Variants in GRIK3 observed in about 807,000 individuals in gnomAD.
GRIK3 encodes glutamate ionotropic receptor kainate type subunit 3, also known as glutamate receptor ionotropic, kainate 3.
A neutral mutation model predicts 102.5 loss-of-function variants in GRIK3; 29 were observed. The observed-to-expected ratio is 0.28, with a 90% CI of 0.21 to 0.39. The LOEUF (loss-of-function observed/expected upper bound fraction) is 0.39. GRIK3 is among the 10% of genes least tolerant of loss of function. The pLI is 1.00. For missense variants in GRIK3, 908 were observed against 1,252.4 expected, an observed-to-expected ratio of 0.73 and a Z score of 4.15; for synonymous variants, 511 against 504.9, an observed-to-expected ratio of 1.01 and a Z score of -0.16.
chr1:37,021,655 T>C (rs1642716012), intron 1 of GRIK3, among the ~76,000 whole-genome samples: 1 of 152,200 alleles, frequency 6.6e-6, no homozygotes, highest in South Asian at 2.1e-4. Flanking sequence ...AAAATGGTCA[T>C]GTAGGCAACA....
chr1:36,864,043 T>C (rs1570767688), intron 5 of GRIK3, among the ~76,000 whole-genome samples: 1 of 152,288 alleles, frequency 6.6e-6, no homozygotes, highest in African/African-American at 2.4e-5. Context: ...ACCCTCCCCA[T>C]GATATAAGTG....
chr1:36,950,413 T>C (rs571499889), intron 1 of GRIK3, among the ~76,000 whole-genome samples: 1 of 152,374 alleles, frequency 6.6e-6, no homozygotes, highest in East Asian at 1.9e-4. Context: ...TATAAAATAA[T>C]ATTTTTCCAA....
chr1:36,815,479 G>C (rs969816370), intron 13 of GRIK3, among the ~76,000 whole-genome samples: 1 of 152,224 alleles, frequency 6.6e-6, no homozygotes, highest in Non-Finnish European at 1.5e-5. Context: ...TGGGGAATTA[G>C]AGCCCAGAGG....
chr1:36,815,168 C>T (rs1337474439), intron 13 of GRIK3, among the ~76,000 whole-genome samples: 1 of 152,256 alleles, frequency 6.6e-6, no homozygotes, highest in Non-Finnish European at 1.5e-5. Context: ...GTCTTCCCCT[C>T]ACTCTAAATA....
intron 1 of GRIK3, among the ~76,000 whole-genome samples, chr1:36,975,586 C>T (rs1349573315): frequency 1.3e-5 from 2 of 152,192 alleles, no homozygotes; most frequent in Non-Finnish European, 2.9e-5. Flanking sequence ...AGCCACTGCG[C>T]CCAGCCTAAA....
chr1:36,850,083 G>T lies in GRIK3; in HGVS notation c.1326+228C>A, dbSNP rs1223154654. 9.4e-6 allele frequency: 5 copies of T among 530,712 alleles called. No homozygotes were observed. The highest frequency in any genetic ancestry group is 1.7e-5 in the Non-Finnish European group (5 of 296,216). The allele number at this position is 530,712 out of a possible 1,614,324, so 32.9% of individuals were successfully genotyped here. ...TCCTACTCAGACATCAAGGACTTGG[G>T]GAGTGAGTGGGAGTGAGACACAAAA... On this transcript the variant is annotated intron_variant, in intron 9 of 15. Coordinates refer to ENST00000373091, the MANE Select transcript of GRIK3 (RefSeq NM_000831.4). This position sits in a 1 kb window ranked among gnomAD's most constrained non-coding sequence, Gnocchi z 4.0.
chr1:36,823,300 C>T (rs996533932), intron 11 of GRIK3, among the ~76,000 whole-genome samples: 28 of 151,660 alleles, frequency 1.8e-4, no homozygotes, highest in African/African-American at 6.5e-4. Flanking sequence ...AGTGAAACCC[C>T]GTCTCTACTA....
At chr1:36,802,069 G>A (rs770677152) in intron 15 of GRIK3, 24 bp from the exon 16 acceptor site, 3 of 1,565,434 alleles carry the variant, frequency 1.9e-6, no homozygotes, top group South Asian at 2.4e-5. Context: ...GAGGAGAGGG[G>A]TCGGAAAAGG....
intron 1 of GRIK3, among the ~76,000 whole-genome samples, chr1:37,004,521 C>A (rs1000594215): frequency 2.0e-5 from 3 of 152,170 alleles, no homozygotes; most frequent in Non-Finnish European, 4.4e-5. Context: ...CTTGCCCAAA[C>A]GGAATCACCA....
At chr1:36,822,139 G>A (rs1642702042) in intron 11 of GRIK3, among the ~76,000 whole-genome samples, 1 of 152,110 alleles carries the variant, frequency 6.6e-6, no homozygotes, top group African/African-American at 2.4e-5. Flanking sequence ...AATCATCCTT[G>A]GACACAACTC....
At chr1:36,847,668 T>C (rs1640534035) in intron 9 of GRIK3, among the ~76,000 whole-genome samples, 1 of 152,208 alleles carries the variant, frequency 6.6e-6, no homozygotes, top group South Asian at 2.1e-4. Flanking sequence ...CTGAACTCTA[T>C]GAAGTAGGTG....
intron 1 of GRIK3, among the ~76,000 whole-genome samples, chr1:36,923,508 A>G (rs575185139): frequency 2.0e-5 from 3 of 148,648 alleles, no homozygotes; most frequent in African/African-American, 7.3e-5. Flanking sequence ...CAGGCCACAA[A>G]TGGGGTGGGT....
intron 5 of GRIK3, among the ~76,000 whole-genome samples, chr1:36,860,268 C>T (rs1241730199): frequency 1.3e-5 from 2 of 152,188 alleles, no homozygotes; most frequent in South Asian, 2.1e-4. Context: ...CCTGTTTCTT[C>T]ATCCACAAAT....
intron 15 of GRIK3, 74 bp from the exon 16 acceptor site, chr1:36,802,119 C>T: frequency 9.5e-7 from 1 of 1,050,024 alleles, no homozygotes; most frequent in Non-Finnish European, 1.4e-6. Flanking sequence ...CCAGCCAGTT[C>T]CTCCCCTTTC....
chr1:37,014,834 C>CTCGTTTCTTT (rs1553128318), intron 1 of GRIK3, among the ~76,000 whole-genome samples: 1 of 147,454 alleles, frequency 6.8e-6, no homozygotes, highest in Non-Finnish European at 1.5e-5. Flanking sequence ...GCCATTTAGC[C>CTCGTTTCTTT]TCTTTTCTTA....
intron 1 of GRIK3, among the ~76,000 whole-genome samples, chr1:36,893,111 T>C (rs949322193): frequency 4.6e-5 from 7 of 152,114 alleles, no homozygotes; most frequent in African/African-American, 1.7e-4. Context: ...TATAGGTGAA[T>C]ATTTTACAAT....
chr1:36,813,890 A>G (rs916452842), intron 13 of GRIK3, among the ~76,000 whole-genome samples: 4 of 152,154 alleles, frequency 2.6e-5, no homozygotes, highest in African/African-American at 9.7e-5. Context: ...GGAGAGCTTC[A>G]CTTGAATTAA....
Position 36,802,004 on chromosome 1 carries a change from G to A in GRIK3, c.2607C>T (p.Ser869=). The A allele has an allele frequency of 1.9e-6, 3 of 1,613,836 alleles. No individual in the cohort carries two copies. Among genetic ancestry groups the A allele is most frequent in the Non-Finnish European group, 1.7e-6 (2 of 1,179,886 alleles). ...CSTVADEIRF[S]LTCQRRVKHK... is the part of the protein sequence containing the mutation. Reference sequence around the variant, plus strand: ...GCTTGACTCGACGCTGGCAGGTAAGGGAGAAACGGATCTCATCGGCCACGG... The same window carrying A: ...GCTTGACTCGACGCTGGCAGGTAAGAGAGAAACGGATCTCATCGGCCACGG... Residue 869 remains serine, a synonymous_variant, in exon 16 of 16, where the codon TCC becomes TCT. Coordinates refer to ENST00000373091, the MANE Select transcript of GRIK3 (RefSeq NM_000831.4).
chr1:36,902,937 C>T (rs1641247488), intron 1 of GRIK3, among the ~76,000 whole-genome samples: 1 of 152,020 alleles, frequency 6.6e-6, no homozygotes, highest in Non-Finnish European at 1.5e-5. Flanking sequence ...TAAGAGGCGT[C>T]CACCACCACA....
Sources: allele counts gnomAD v4.1 joint callset (sites outside exome capture counted in the v4.1 genomes callset), GRCh38; gene constraint gnomAD v4.1.1; non-coding constraint Gnocchi (gnomAD v3.1); transcripts MANE v1.5; gene names NCBI Gene and HGNC (gene_info 2026-07-23, HGNC 2026-07-21).